The following LIX1 variants were observed in gnomAD, a reference collection of about 807,000 sequenced individuals.
LIX1 encodes protein limb expression 1 homolog.
Under a neutral mutation model 33.4 loss-of-function variants are expected in LIX1, and 24 were observed. That is an observed-to-expected ratio of 0.72 (90% CI 0.52 to 1.01). The LOEUF (loss-of-function observed/expected upper bound fraction) is 1.01. LIX1 is among the 50% of genes least tolerant of loss of function. The pLI, the probability that LIX1 is intolerant of heterozygous loss-of-function variation, is 0.00. For synonymous variants in LIX1, 124 were observed against 124.0 expected (o/e 1.00, Z 0.00); for missense variants, 311 against 339.2 (o/e 0.92, Z 0.65).
Position 97,142,589 on chromosome 5 carries a change from T to C in LIX1, c.-13A>G. 1 of 1,608,182 alleles carries C rather than the reference T, an allele frequency of 6.2e-7. No homozygotes were observed. The highest frequency in any genetic ancestry group is 8.5e-7 in the Non-Finnish European group (1 of 1,174,618). ...AGGTTCTGTCCATCTTGGGTCTGCC[T>C]GTGTGAGCCTCCTGTACAGAGTGTC... On this transcript the variant is annotated 5_prime_UTR_variant, in exon 1 of 6. Coordinates refer to ENST00000274382, the MANE Select transcript of LIX1 (RefSeq NM_153234.5).
chr5:97,140,248 TTGTG>T (rs1338321296), intron 1 of LIX1, among the ~76,000 whole-genome samples: 1 of 151,986 alleles, frequency 6.6e-6, no homozygotes, highest in Non-Finnish European at 1.5e-5. Context: ...GTTTGTGTGT[TTGTG>T]TGTGTTTATT....
intron 2 of LIX1, among the ~76,000 whole-genome samples, chr5:97,122,534 A>G (rs1472707077): frequency 6.6e-6 from 1 of 152,220 alleles, no homozygotes; most frequent in Non-Finnish European, 1.5e-5. Flanking sequence ...AGTCCACTCC[A>G]TCTTGATTCA....
At chr5:97,129,290 G>T (rs936179534) in intron 1 of LIX1, among the ~76,000 whole-genome samples, 4 of 152,038 alleles carry the variant, frequency 2.6e-5, no homozygotes, top group Admixed American at 6.6e-5. Flanking sequence ...GAAAGTGCAC[G>T]CCCTACCCGC....
At chr5:97,107,527 C>T in intron 2 of LIX1, 27 bp from the exon 3 acceptor site, 1 of 1,612,832 alleles carries the variant, frequency 6.2e-7, no homozygotes, top group South Asian at 1.1e-5. Context: ...GAAAAGGAGT[C>T]ATTTGAGAAT....
In LIX1 at chr5:97,097,736, AGCTACTGCATTAG is replaced by A. The variant is rs375880162; in HGVS notation, c.484-862_484-850del. 7.8e-4 allele frequency among the ~76,000 whole-genome samples: 119 copies of A among 152,346 alleles called. 1 individual carries two copies. The highest frequency in any genetic ancestry group is 2.7e-3 in the African/African-American group (113 of 41,572). ...TATAGGACGCCATTAGTTTGGACAGAGCTACTGCATTAGGCTTAATAGATCAAATCAAAATGGA... is the reference window on the plus strand; with the variant it reads ...TATAGGACGCCATTAGTTTGGACAGAGCTTAATAGATCAAATCAAAATGGA... On this transcript the variant is annotated intron_variant, in intron 4 of 5. Coordinates refer to ENST00000274382, the MANE Select transcript of LIX1 (RefSeq NM_153234.5).
chr5:97,109,831 A>G (rs1256059963), intron 2 of LIX1, among the ~76,000 whole-genome samples: 1 of 151,984 alleles, frequency 6.6e-6, no homozygotes, highest in Non-Finnish European at 1.5e-5. Flanking sequence ...TTATATGTGA[A>G]AACACAATAT....
chr5:97,112,524 C>T (rs780067690), intron 2 of LIX1, among the ~76,000 whole-genome samples: 33 of 152,258 alleles, frequency 2.2e-4, no homozygotes, highest in Non-Finnish European at 2.4e-4. Context: ...GATTTGTAAA[C>T]CGTGTCTTTT....
At position 97,142,263 on chromosome 5, in the gene LIX1, GA is replaced by G. The variant is rs1455547395; in HGVS notation, c.82+231del. On this transcript the variant is annotated intron_variant, in intron 1 of 5. Transcript: ENST00000274382. The stretch of plus-strand genomic sequence containing the variant: ...TAGGCAGGTCTTGGATTGTAGAAGA[GA>G]CTTCTAAGTAGTTAGCAAGATGTAT... Among the ~76,000 whole-genome samples, 25 of 152,310 alleles carry G rather than the reference GA, an allele frequency of 1.6e-4. No individual in the cohort carries two copies. In the South Asian group the frequency reaches 4.8e-3, roughly 29 times the overall value.
chr5:97,100,334 C>T (rs760494227), intron 4 of LIX1, among the ~76,000 whole-genome samples: 4 of 152,246 alleles, frequency 2.6e-5, no homozygotes, highest in South Asian at 2.1e-4. Context: ...TATCCCATCA[C>T]GAAGCAGCTT....
chr5:97,094,954 G>T lies in LIX1; in HGVS notation c.643C>A (p.Arg215=), dbSNP rs373055209. Residue 215 remains arginine (R), a synonymous_variant, in exon 6 of 6, where the codon CGG becomes AGG. Transcript: ENST00000274382. Reference sequence around the variant, plus strand: ...TGAGAGACAATTCCTGGTGAGTCCCGCTCCTTCATGATCCAGTCCAGGGCC... The same window carrying T: ...TGAGAGACAATTCCTGGTGAGTCCCTCTCCTTCATGATCCAGTCCAGGGCC... ...HMALDWIMKE[R]DSPGIVSQEL... is the part of the protein sequence containing the mutation. 1 of 1,614,030 alleles carries T rather than the reference G, an allele frequency of 6.2e-7. No homozygotes were observed. The highest frequency in any genetic ancestry group is 8.5e-7 in the Non-Finnish European group (1 of 1,179,984).
In LIX1 at chr5:97,107,470, C is replaced by T; in HGVS notation, c.277G>A (p.Asp93Asn). 1 of 1,613,868 alleles carries T rather than the reference C, an allele frequency of 6.2e-7. No homozygotes were observed. Among genetic ancestry groups the T allele is most frequent in the Non-Finnish European group, 8.5e-7 (1 of 1,179,990 alleles). ...CCLSRAEARRDAAKVALINSL... is the reference protein window; with the variant it reads ...CCLSRAEARRNAAKVALINSL... ...TTGATCAGGGCCACTTTAGCTGCAT[C>T]CCGCCTGGCCTCGGCTCTACTTAAG... The change falls in exon 3 of 6, where the codon GAT becomes AAT. Residue 93 changes from aspartate to asparagine, a missense_variant. By Grantham distance (23) the Asp-to-Asn change is conservative. Coordinates refer to ENST00000274382, the MANE Select transcript of LIX1 (RefSeq NM_153234.5).
rs776057656 is a variant in LIX1, at chr5:97,142,482, C to A, written c.82+13G>T. ...CTAAAAAGTCAAAAAACTTTTCCCC[C>A]TTCAGTACTTACAGTCTTTGAAGAC... On this transcript the variant is annotated intron_variant, in intron 1 of 5. Transcript: ENST00000274382. 2.5e-6 allele frequency: 4 copies of A among 1,605,780 alleles called. No individual in the cohort carries two copies. The African/African-American group carries it at 5.4e-5, about 21-fold the overall frequency.
chr5:97,099,160 C>T (rs575776329), intron 4 of LIX1, among the ~76,000 whole-genome samples: 2 of 152,310 alleles, frequency 1.3e-5, no homozygotes, highest in South Asian at 4.1e-4. Context: ...CCCTCTCCTC[C>T]ACATCTTCCT....
At chr5:97,111,571 T>A (rs902544105) in intron 2 of LIX1, among the ~76,000 whole-genome samples, 15 of 152,202 alleles carry the variant, frequency 9.9e-5, no homozygotes, top group Admixed American at 3.9e-4. Flanking sequence ...CTCATTTTAA[T>A]AGGAATTTAG....
intron 4 of LIX1, among the ~76,000 whole-genome samples, chr5:97,098,045 GTT>G (rs1746485878): frequency 6.6e-6 from 1 of 152,194 alleles, no homozygotes; most frequent in African/African-American, 2.4e-5. Context: ...CGCTCATTCT[GTT>G]TTACGGAAGG....
At chr5:97,126,134 T>A (rs61564624) in intron 1 of LIX1, among the ~76,000 whole-genome samples, 4,864 of 152,326 alleles carry the variant, frequency 0.032, 261 homozygotes, top group African/African-American at 0.099. Context: ...CACTAAACAG[T>A]CAACACTCAT....
chr5:97,129,919 C>T (rs316204), intron 1 of LIX1, among the ~76,000 whole-genome samples: 69,536 of 152,098 alleles, frequency 0.46, 16,658 homozygotes, highest in African/African-American at 0.6. Context: ...GCCATTTTTC[C>T]GACATTTGTT....
chr5:97,119,191 A>G (rs1399505950), intron 2 of LIX1, among the ~76,000 whole-genome samples: 5 of 152,218 alleles, frequency 3.3e-5, no homozygotes, highest in Non-Finnish European at 5.9e-5. Flanking sequence ...GGTGACGTCC[A>G]TGGCTCAGTA....
At chr5:97,098,047 T>G (rs756109018) in intron 4 of LIX1, among the ~76,000 whole-genome samples, 15 of 152,324 alleles carry the variant, frequency 9.8e-5, no homozygotes, top group Middle Eastern at 3.4e-3. Context: ...CTCATTCTGT[T>G]TTACGGAAGG....
Sources: allele counts gnomAD v4.1 joint callset (sites outside exome capture counted in the v4.1 genomes callset), GRCh38; gene constraint gnomAD v4.1.1; transcripts MANE v1.5; gene names NCBI Gene and HGNC (gene_info 2026-07-23, HGNC 2026-07-21).